The following GRAMD1C variants were observed in gnomAD, a reference collection of about 807,000 sequenced individuals.
The protein encoded by GRAMD1C is GRAM domain containing 1C.
Under a neutral mutation model 97.8 loss-of-function variants are expected in GRAMD1C, and 89 were observed. The observed-to-expected ratio is 0.91, with a 90% CI of 0.77 to 1.09. The LOEUF is 1.09. Ranked by LOEUF, GRAMD1C falls within the 50% of genes least tolerant of loss-of-function variation. The pLI, the probability that GRAMD1C is intolerant of heterozygous loss-of-function variation, is 0.00. For synonymous variants in GRAMD1C, 256 were observed against 267.0 expected (o/e 0.96, Z 0.40); for missense variants, 740 against 766.4 (o/e 0.97, Z 0.41).
intron 13 of GRAMD1C, among the ~76,000 whole-genome samples, chr3:113,935,364 C>T (rs1028389117): frequency 5.3e-5 from 8 of 151,980 alleles, no homozygotes; most frequent in African/African-American, 1.9e-4. Context: ...TGGGCTTATG[C>T]AGCCCACTTG....
At chr3:113,940,077 A>G (rs1300186146) in intron 16 of GRAMD1C, 81 bp downstream of exon 16, 4 of 931,932 alleles carry the variant, frequency 4.3e-6, no homozygotes, top group Non-Finnish European at 7.1e-6. Flanking sequence ...TTTCAGTTTC[A>G]GAGACTGTGG....
intron 6 of GRAMD1C, among the ~76,000 whole-genome samples, chr3:113,883,132 G>T (rs531881618): frequency 3.3e-5 from 5 of 152,272 alleles, no homozygotes; most frequent in Admixed American, 3.3e-4. Context: ...CAGGGACAAA[G>T]ATGACACAGG....
chr3:113,831,315 T>C (rs1163879770), intron 1 of GRAMD1C, among the ~76,000 whole-genome samples: 1 of 152,182 alleles, frequency 6.6e-6, no homozygotes, highest in Admixed American at 6.5e-5. Context: ...TTTTATGAGT[T>C]TGATGTTTTT....
upstream of GRAMD1C, chr3:113,838,599 G>A (rs377040593): frequency 6.6e-6 from 2 of 303,322 alleles, no homozygotes; most frequent in Middle Eastern, 9.4e-4. Context: ...AAAAGTTTCC[G>A]AGCAATTCAC....
rs151121078 is a variant in GRAMD1C at position 113,841,217 on chromosome 3, C to G, written c.27+2281C>G. 3.9e-3 allele frequency among the ~76,000 whole-genome samples: 592 copies of G among 150,770 alleles called. 9 individuals are homozygous for G. The highest frequency in any genetic ancestry group is 0.028 in the South Asian group (133 of 4,752). On this transcript the variant is annotated intron_variant, in intron 1 of 17. Coordinates refer to ENST00000358160, the MANE Select transcript of GRAMD1C (RefSeq NM_017577.5). ...TTCATTCTTACCAAATTTAACAGGC[C>G]AAATTGGGCTGTTAAATGGAGAAGC...
rs548350834 is a variant in GRAMD1C at position 113,873,734 on chromosome 3, G to T, written c.260-1750G>T. Among the ~76,000 whole-genome samples, 26 of 152,280 alleles carry T rather than the reference G, an allele frequency of 1.7e-4. 1 individual carries two copies. Among genetic ancestry groups the T allele is most frequent in the African/African-American group, 5.8e-4 (24 of 41,550 alleles). On this transcript the variant is annotated intron_variant, in intron 3 of 17. Coordinates refer to ENST00000358160, the MANE Select transcript of GRAMD1C (RefSeq NM_017577.5). ...AGGTTTCACCGTGTTGGCCAGGCTG[G>T]TCTCAAACTCCTGACCTCAGGTGAT...
intron 1 of GRAMD1C, among the ~76,000 whole-genome samples, chr3:113,841,815 A>G (rs1263117530): frequency 6.6e-6 from 1 of 152,126 alleles, no homozygotes. Flanking sequence ...CTCCCACCTC[A>G]GCCTCCCAAG....
At chr3:113,847,091 C>T (rs1365324642) in intron 2 of GRAMD1C, among the ~76,000 whole-genome samples, 1 of 151,982 alleles carries the variant, frequency 6.6e-6, no homozygotes, top group Non-Finnish European at 1.5e-5. Context: ...CTTAAATAAA[C>T]TGAATAGGAT....
chr3:113,939,275 C>G (rs2107381257), intron 15 of GRAMD1C: 1 of 152,184 alleles, frequency 6.6e-6, no homozygotes, highest in Admixed American at 6.5e-5. Flanking sequence ...GCTGTGAAAA[C>G]CAATACATTA....
At chr3:113,858,375 G>T (rs1417896176) in intron 2 of GRAMD1C, among the ~76,000 whole-genome samples, 1 of 145,082 alleles carries the variant, frequency 6.9e-6, no homozygotes, top group African/African-American at 2.6e-5. Flanking sequence ...TGGGATTACA[G>T]GCATGTAATC....
At chr3:113,900,753 T>C (rs1936138086) in intron 6 of GRAMD1C, among the ~76,000 whole-genome samples, 1 of 152,010 alleles carries the variant, frequency 6.6e-6, no homozygotes, top group South Asian at 2.1e-4. Context: ...AGAAAGAAAA[T>C]TTAAAACATT....
At chr3:113,839,093 C>G (rs935089821) in intron 1 of GRAMD1C, among the ~76,000 whole-genome samples, 157 bp downstream of exon 1, 1 of 152,140 alleles carries the variant, frequency 6.6e-6, no homozygotes, top group African/African-American at 2.4e-5. Context: ...ACCGAGGAAA[C>G]GGTTTCCTGT....
At position 113,933,623 on chromosome 3, in the gene GRAMD1C, T is replaced by A; in HGVS notation, c.1322T>A (p.Ile441Asn). 3.1e-6 allele frequency: 5 copies of A among 1,607,150 alleles called. No individual in the cohort carries two copies. Among genetic ancestry groups the A allele is most frequent in the Non-Finnish European group, 4.3e-6 (5 of 1,173,856 alleles). Residue 441 changes from isoleucine (I) to asparagine (N), a missense_variant, in exon 12 of 18, where the codon ATC (isoleucine) becomes AAC (asparagine). Physicochemically the swap from Ile to Asn is moderately radical, Grantham distance 149. Coordinates refer to ENST00000358160, the MANE Select transcript of GRAMD1C (RefSeq NM_017577.5). ...TATACCGTGAACAGATACTGTATCA[T>A]CCGATCTTCAAAACAGAAATGCAGG... ...YFYTVNRYCIIRSSKQKCRLR... is the reference protein window; with the variant it reads ...YFYTVNRYCINRSSKQKCRLR...
chr3:113,934,617 A>G (rs552246720), intron 13 of GRAMD1C, 82 bp downstream of exon 13: 1 of 684,054 alleles, frequency 1.5e-6, no homozygotes, highest in African/African-American at 1.9e-5. Context: ...TTAGATTTGT[A>G]ACAGAAAACT....
intron 10 of GRAMD1C, chr3:113,920,031 AC>A (rs1936979205): frequency 1.2e-6 from 1 of 828,808 alleles, no homozygotes; most frequent in Non-Finnish European, 2.0e-6. Flanking sequence ...TCAGTAAGGT[AC>A]TTTTTGAATT....
chr3:113,896,645 G>A (rs772478703), intron 6 of GRAMD1C, among the ~76,000 whole-genome samples: 18 of 152,308 alleles, frequency 1.2e-4, no homozygotes, highest in Non-Finnish European at 1.6e-4. Flanking sequence ...TTTAGACAGC[G>A]GAAGCTGCCC....
chr3:113,874,471 C>T (rs1274061014), intron 3 of GRAMD1C, among the ~76,000 whole-genome samples: 1 of 151,988 alleles, frequency 6.6e-6, no homozygotes, highest in African/African-American at 2.4e-5. Flanking sequence ...ACCTCAGCCT[C>T]CTGAGTAGCT....
intron 17 of GRAMD1C, among the ~76,000 whole-genome samples, chr3:113,941,618 C>G (rs1263245665): frequency 7.4e-6 from 1 of 135,982 alleles, no homozygotes; most frequent in Admixed American, 7.6e-5. Flanking sequence ...TGTGGTGTTG[C>G]AATTTTTTTT....
intron 13 of GRAMD1C, among the ~76,000 whole-genome samples, chr3:113,935,447 GTGGTTCTCTT>G (rs531444025): frequency 6.6e-6 from 1 of 151,870 alleles, no homozygotes; most frequent in Non-Finnish European, 1.5e-5. Flanking sequence ...AAACGATACG[GTGGTTCTCTT>G]TGGATATTTC....
Sources: gnomAD v4.1 joint callset for allele counts (sites outside exome capture counted in the v4.1 genomes callset) on GRCh38, gnomAD v4.1.1 for gene constraint, MANE v1.5 for transcripts, NCBI Gene and HGNC (gene_info 2026-07-23, HGNC 2026-07-21) for gene names.